TYW1: variants seen among roughly 807,000 people sequenced by gnomAD.
TYW1 encodes the protein tRNA-yW synthesizing protein 1 homolog.
A neutral mutation model predicts 96.2 loss-of-function variants in TYW1; 46 were observed. The observed-to-expected ratio is 0.48, with a 90% confidence interval of 0.38 to 0.61. The LOEUF is 0.61. Among genes scored for constraint, TYW1 ranks in the 20% least tolerant of loss-of-function variants. The pLI is 0.00. For missense variants in TYW1, 684 were observed against 909.6 expected, an observed-to-expected ratio of 0.75 and a Z score of 3.19; for synonymous variants, 274 against 323.0, an observed-to-expected ratio of 0.85 and a Z score of 1.63.
intron 12 of TYW1, among the ~76,000 whole-genome samples, chr7:67,106,061 C>G (rs1028184978): frequency 6.6e-6 from 1 of 151,940 alleles, no homozygotes; most frequent in Admixed American, 6.6e-5. Flanking sequence ...CCACACCCGG[C>G]TAATTTTGTA....
intron 10 of TYW1, among the ~76,000 whole-genome samples, chr7:67,081,579 C>T (rs1796393759): frequency 6.6e-6 from 1 of 151,884 alleles, no homozygotes; most frequent in Non-Finnish European, 1.5e-5. Flanking sequence ...TCTGGAATTC[C>T]TAAATGCAAA....
chr7:67,020,157 A>C (rs1329334778), intron 6 of TYW1, among the ~76,000 whole-genome samples: 1 of 152,242 alleles, frequency 6.6e-6, no homozygotes, highest in African/African-American at 2.4e-5. Context: ...GGGTGGGAGG[A>C]TTGCTGGAGG....
At chr7:67,054,511 GT>G (rs1298670147) in intron 8 of TYW1, among the ~76,000 whole-genome samples, 1 of 152,100 alleles carries the variant, frequency 6.6e-6, no homozygotes, top group Non-Finnish European at 1.5e-5. Flanking sequence ...GCAGTCCTTT[GT>G]TTATTTATAT....
chr7:66,999,017 A>G, intron 3 of TYW1, 63 bp downstream of exon 3: 1 of 1,568,968 alleles, frequency 6.4e-7, no homozygotes, highest in Non-Finnish European at 8.7e-7. Context: ...TCCCTTTAGC[A>G]GTGAACTTTA....
At chr7:67,025,522 T>C (rs1794421617) in intron 7 of TYW1, among the ~76,000 whole-genome samples, 1 of 152,138 alleles carries the variant, frequency 6.6e-6, no homozygotes, top group Non-Finnish European at 1.5e-5. Flanking sequence ...ATAGGATTTA[T>C]TATGGTTGAG....
At chr7:67,035,781 G>A (rs1366384163) in intron 7 of TYW1, among the ~76,000 whole-genome samples, 2 of 152,130 alleles carry the variant, frequency 1.3e-5, no homozygotes, top group African/African-American at 2.4e-5. Context: ...AGGTTCAAGC[G>A]ATTCTCCTGC....
intron 6 of TYW1, among the ~76,000 whole-genome samples, chr7:67,020,489 C>T (rs960436674): frequency 3.3e-4 from 50 of 152,242 alleles, no homozygotes; most frequent in Admixed American, 1.9e-3. Flanking sequence ...CCACCTGCCT[C>T]GGCCTCCCAA....
intron 15 of TYW1, among the ~76,000 whole-genome samples, chr7:67,199,333 G>A (rs1444810789): frequency 6.6e-6 from 1 of 152,166 alleles, no homozygotes; most frequent in Non-Finnish European, 1.5e-5. Flanking sequence ...TGTCACACTT[G>A]GTACCCGGTG....
chr7:67,141,188 A>G (rs1798438036), intron 13 of TYW1, among the ~76,000 whole-genome samples: 1 of 152,220 alleles, frequency 6.6e-6, no homozygotes, highest in Non-Finnish European at 1.5e-5. Flanking sequence ...CCCAGAAACT[A>G]GAAGAATTTT....
chr7:67,025,865 TA>T (rs556277595), intron 7 of TYW1, among the ~76,000 whole-genome samples: 23 of 147,302 alleles, frequency 1.6e-4, no homozygotes, highest in East Asian at 2.0e-4. Flanking sequence ...CCATAAGCCT[TA>T]AAAAAAAAAG....
chr7:67,201,631 A>C (rs1584689290), intron 15 of TYW1, among the ~76,000 whole-genome samples: 2 of 152,142 alleles, frequency 1.3e-5, no homozygotes, highest in Non-Finnish European at 2.9e-5. Context: ...CGGTGACGTC[A>C]GGAAGAAATT....
Position 67,018,001 on chromosome 7 carries a change from T to C in TYW1, c.719T>C (p.Leu240Pro), listed in dbSNP as rs376332204. ...TGGAAGACCAAGTTCATCTCCCAGCTGCAGGCACTTCAGAAAGGGGAGAGA... is the reference window on the plus strand; with the variant it reads ...TGGAAGACCAAGTTCATCTCCCAGCCGCAGGCACTTCAGAAAGGGGAGAGA... ...RAWKTKFISQLQALQKGERKK... is the reference protein window; with the variant it reads ...RAWKTKFISQPQALQKGERKK... The change falls in exon 6 of 16, where the codon CTG becomes CCG. Residue 240 changes from leucine (L) to proline (P), a missense_variant. Transcript: ENST00000359626. 1 of 1,614,110 alleles carries C rather than the reference T, an allele frequency of 6.2e-7. No homozygotes were observed. Among genetic ancestry groups the C allele is most frequent in the Non-Finnish European group, 8.5e-7 (1 of 1,180,034 alleles).
intron 13 of TYW1, among the ~76,000 whole-genome samples, chr7:67,166,004 C>T (rs1427217670): frequency 1.3e-5 from 2 of 152,128 alleles, no homozygotes; most frequent in Admixed American, 1.3e-4. Context: ...CTTTGGGAGG[C>T]CAAGGTGGGT....
chr7:67,026,460 AC>A (rs1337320457), intron 7 of TYW1, among the ~76,000 whole-genome samples: 1 of 152,234 alleles, frequency 6.6e-6, no homozygotes, highest in East Asian at 1.9e-4. Context: ...GTGGACTCGA[AC>A]AAATGGAAAG....
chr7:67,228,261 C>G (rs1037992721), intron 15 of TYW1, among the ~76,000 whole-genome samples: 1 of 152,176 alleles, frequency 6.6e-6, no homozygotes, highest in African/African-American at 2.4e-5. Flanking sequence ...GGGGTGGCAT[C>G]ACAATCGTGG....
At chr7:67,172,955 A>G (rs1484878406) in intron 13 of TYW1, among the ~76,000 whole-genome samples, 5 of 138,148 alleles carry the variant, frequency 3.6e-5, no homozygotes, top group African/African-American at 8.7e-5. Context: ...CCCTGTCTCT[A>G]CAAAAAGTAA....
At chr7:67,228,812 G>T (rs1169428489) in intron 15 of TYW1, among the ~76,000 whole-genome samples, 1 of 152,168 alleles carries the variant, frequency 6.6e-6, no homozygotes, top group African/African-American at 2.4e-5. Context: ...ACAGTGGCTG[G>T]GGGCCAGCCG....
chr7:67,149,338 A>G (rs1245918228), intron 13 of TYW1, among the ~76,000 whole-genome samples: 1 of 152,230 alleles, frequency 6.6e-6, no homozygotes, highest in African/African-American at 2.4e-5. Context: ...CATCTGGGAA[A>G]TGAAGATAAT....
At chr7:67,149,276 T>A (rs1798714059) in intron 13 of TYW1, among the ~76,000 whole-genome samples, 1 of 152,216 alleles carries the variant, frequency 6.6e-6, no homozygotes, top group South Asian at 2.1e-4. Flanking sequence ...TCATTCAAAC[T>A]AGAAAGAAGG....
Sources: allele counts gnomAD v4.1 joint callset (sites outside exome capture counted in the v4.1 genomes callset), GRCh38; gene constraint gnomAD v4.1.1; transcripts MANE v1.5; gene names NCBI Gene and HGNC (gene_info 2026-07-23, HGNC 2026-07-21).